The following STAM variants were observed in gnomAD, a reference collection of about 807,000 sequenced individuals.
STAM encodes the protein signal transducing adapter molecule 1.
Under a neutral mutation model 63.4 loss-of-function variants are expected in STAM, and 16 were observed. That is an observed-to-expected ratio of 0.25 (90% CI 0.17 to 0.38). The LOEUF (loss-of-function observed/expected upper bound fraction) is 0.38. STAM is among the 10% of genes least tolerant of loss of function. STAM has a pLI of 1.00. For synonymous variants in STAM, 238 were observed against 223.9 expected (o/e 1.06, Z -0.56); for missense variants, 636 against 657.1 (o/e 0.97, Z 0.35).
chr10:17,672,160 T>C (rs1834666460), intron 2 of STAM, among the ~76,000 whole-genome samples: 1 of 152,208 alleles, frequency 6.6e-6, no homozygotes, highest in Non-Finnish European at 1.5e-5. Context: ...TGGAAATACC[T>C]TTTCAGATAA....
chr10:17,676,437 A>T (rs1448883493), intron 2 of STAM, among the ~76,000 whole-genome samples: 2 of 152,200 alleles, frequency 1.3e-5, no homozygotes, highest in African/African-American at 4.8e-5. Context: ...CAGCTGACAT[A>T]TGTAGGCAGT....
intron 13 of STAM, among the ~76,000 whole-genome samples, chr10:17,712,575 G>A (rs1350173627): frequency 6.6e-6 from 1 of 152,204 alleles, no homozygotes; most frequent in Non-Finnish European, 1.5e-5. Flanking sequence ...ATAACAATTG[G>A]AGGAAAGTTT....
chr10:17,650,174 T>G (rs910107926), intron 1 of STAM, among the ~76,000 whole-genome samples: 1 of 152,208 alleles, frequency 6.6e-6, no homozygotes, highest in Non-Finnish European at 1.5e-5. Context: ...TCCTGAAGTG[T>G]GATATGATAG....
chr10:17,716,748 A>C lies in STAM; in HGVS notation c.*1968A>C, dbSNP rs1378017528. ...ACAGTGAATAGAAAAAACTACCCTT[A>C]TTACAACCCATATACATTTTTCTTT... On this transcript the variant is annotated 3_prime_UTR_variant, in exon 14 of 14. Transcript: ENST00000377524. Among the ~76,000 whole-genome samples, 1 of 152,222 alleles carries C rather than the reference A, an allele frequency of 6.6e-6. No homozygotes were observed. Among genetic ancestry groups the C allele is most frequent in the East Asian group, 1.9e-4 (1 of 5,200 alleles).
intron 5 of STAM, among the ~76,000 whole-genome samples, chr10:17,691,127 T>C (rs966861380): frequency 3.9e-5 from 6 of 152,214 alleles, no homozygotes; most frequent in African/African-American, 1.2e-4. Context: ...TAAAACATTA[T>C]CTAAAGAAAA....
Position 17,684,583 on chromosome 10 carries a change from C to G in STAM, c.126-92C>G, listed in dbSNP as rs976342161. The G allele has an allele frequency of 9.0e-5, 85 of 942,916 alleles. No homozygotes were observed. In the East Asian group the frequency reaches 2.1e-3, roughly 23 times the overall value. 58.4% of individuals were successfully genotyped at this position (942,916 alleles called of 1,614,324 possible). A position where few individuals can be genotyped will look rare whatever the true frequency, so the allele number is the denominator to read the frequency against. On this transcript the variant is annotated intron_variant, in intron 2 of 13. Coordinates refer to ENST00000377524, the MANE Select transcript of STAM (RefSeq NM_003473.4). ...ATTTCCCTACTTTATCATAGTCTCC[C>G]TTTTTATCGTAGTCTTTTGTCTATA...
intron 5 of STAM, among the ~76,000 whole-genome samples, chr10:17,688,850 A>T (rs140298167): frequency 3.9e-5 from 6 of 152,284 alleles, no homozygotes; most frequent in South Asian, 2.1e-4. Flanking sequence ...AATTTTCTAC[A>T]AAGAATGATA....
At chr10:17,704,207 C>G (rs1446916635) in intron 9 of STAM, among the ~76,000 whole-genome samples, 1 of 152,092 alleles carries the variant, frequency 6.6e-6, no homozygotes, top group African/African-American at 2.4e-5. Flanking sequence ...ATTCTCCCAC[C>G]TCAGCCTCCT....
chr10:17,699,272 C>T (rs565513051), intron 8 of STAM, among the ~76,000 whole-genome samples: 1 of 152,224 alleles, frequency 6.6e-6, no homozygotes, highest in Admixed American at 6.5e-5. Context: ...ATGTAATATT[C>T]CATCAAGCAT....
chr10:17,708,675 G>C (rs1554829644), intron 12 of STAM, 101 bp from the exon 13 acceptor site: 9 of 1,213,810 alleles, frequency 7.4e-6, no homozygotes, highest in Non-Finnish European at 8.8e-6. Context: ...TTCCAGAGTG[G>C]TGATTTTTCT....
intron 2 of STAM, among the ~76,000 whole-genome samples, chr10:17,667,041 C>T (rs564092962): frequency 2.0e-5 from 3 of 152,250 alleles, no homozygotes; most frequent in African/African-American, 7.2e-5. Flanking sequence ...TGTAGATTCT[C>T]TCAACTTTCA....
chr10:17,650,857 A>G (rs1326928769), intron 1 of STAM, among the ~76,000 whole-genome samples: 1 of 152,176 alleles, frequency 6.6e-6, no homozygotes, highest in Non-Finnish European at 1.5e-5. Flanking sequence ...TGAGGTCAGC[A>G]GATCGAGACC....
intron 9 of STAM, among the ~76,000 whole-genome samples, chr10:17,703,010 A>G (rs1426641767): frequency 2.8e-4 from 32 of 115,302 alleles, no homozygotes; most frequent in Admixed American, 1.0e-3. Flanking sequence ...CTCCATCTCA[A>G]AAAAAAAAAA....
At chr10:17,663,897 C>A (rs2131588584) in intron 2 of STAM, among the ~76,000 whole-genome samples, 1 of 151,992 alleles carries the variant, frequency 6.6e-6, no homozygotes, top group Non-Finnish European at 1.5e-5. Flanking sequence ...AAATGGTAAA[C>A]ATAAGGGTCA....
At chr10:17,673,072 T>G in intron 2 of STAM, 1 of 983,998 alleles carries the variant, frequency 1.0e-6, no homozygotes. Context: ...GCCCACCCTT[T>G]AAACAGGTAG....
chr10:17,708,080 C>T (rs547257681), intron 12 of STAM, among the ~76,000 whole-genome samples: 1 of 152,082 alleles, frequency 6.6e-6, no homozygotes, highest in East Asian at 1.9e-4. Flanking sequence ...TTAGTAGAGA[C>T]GGGGTTTCAC....
intron 2 of STAM, among the ~76,000 whole-genome samples, chr10:17,663,123 A>T (rs201928207): frequency 6.6e-6 from 1 of 152,188 alleles, no homozygotes; most frequent in East Asian, 1.9e-4. Flanking sequence ...CAGTTAAAAA[A>T]TCAATTTGTA....
intron 1 of STAM, among the ~76,000 whole-genome samples, chr10:17,647,362 AT>A (rs1833558490): frequency 6.6e-6 from 1 of 152,128 alleles, no homozygotes; most frequent in Non-Finnish European, 1.5e-5. Flanking sequence ...GATATACAGT[AT>A]TTTATTCATG....
intron 2 of STAM, among the ~76,000 whole-genome samples, chr10:17,663,206 T>C (rs782245474): frequency 1.3e-5 from 2 of 152,156 alleles, no homozygotes; most frequent in Non-Finnish European, 2.9e-5. Flanking sequence ...GTTAACGTTA[T>C]TCTCCCAGAA....
Sources: allele counts gnomAD v4.1 joint callset (sites outside exome capture counted in the v4.1 genomes callset), GRCh38; gene constraint gnomAD v4.1.1; transcripts MANE v1.5; gene names NCBI Gene and HGNC (gene_info 2026-07-23, HGNC 2026-07-21).